SPACA6: variants seen among roughly 807,000 people sequenced by gnomAD.
SPACA6 encodes the protein sperm acrosome membrane-associated protein 6.
For synonymous variants in SPACA6, 6 were observed against 1.5 expected (o/e 4.05, Z -2.21); for missense variants, 8 against 2.8 (o/e 2.88, Z -1.34).
downstream of SPACA6, among the ~76,000 whole-genome samples, chr19:51,708,854 T>C (rs549596223): frequency 2.5e-4 from 37 of 149,744 alleles, no homozygotes; most frequent in African/African-American, 8.1e-4. Flanking sequence ...AGTGAGACTC[T>C]GTCTAAAAAA....
chr19:51,701,899 C>A, intron 3 of SPACA6, 173 bp downstream of exon 3: 1 of 359,930 alleles, frequency 2.8e-6, no homozygotes, highest in Non-Finnish European at 5.0e-6. Flanking sequence ...ATGGTGATAC[C>A]CATATCTACT....
chr19:51,702,211 C>T (rs1170775414), intron 3 of SPACA6, among the ~76,000 whole-genome samples: 1 of 152,040 alleles, frequency 6.6e-6, no homozygotes, highest in East Asian at 1.9e-4. Flanking sequence ...GGTTTCGTCT[C>T]CAACTGAGCC....
At chr19:51,694,378 A>G (rs1193332241) in intron 1 of SPACA6, 100 bp from the exon 2 acceptor site, 1 of 398,444 alleles carries the variant, frequency 2.5e-6, no homozygotes, top group East Asian at 3.6e-5. Context: ...GAGGATACAG[A>G]CTTGGGAGGG....
At chr19:51,701,942 C>G (rs530309137) in intron 3 of SPACA6, among the ~76,000 whole-genome samples, 1 of 152,176 alleles carries the variant, frequency 6.6e-6, no homozygotes. Context: ...CGTGGTAACG[C>G]ATGCTTGTAA....
At position 51,704,362 on chromosome 19, in the gene SPACA6, C is replaced by T; in HGVS notation, c.823C>T (p.Pro275Ser). The T allele has an allele frequency of 2.5e-6, 1 of 401,074 alleles. No individual in the cohort carries two copies. The highest frequency in any genetic ancestry group is 4.4e-6 in the Non-Finnish European group (1 of 226,206). The allele number at this position is 401,074 out of a possible 1,614,324, so 24.8% of individuals were successfully genotyped here. The change falls in exon 8 of 9, where the codon CCC (proline) becomes TCC (serine). Residue 275 changes from proline (P) to serine (S), a missense_variant. Coordinates refer to ENST00000637797, the MANE Select transcript of SPACA6 (RefSeq NM_001316972.2). The stretch of plus-strand genomic sequence containing the variant: ...GCCGCGGGATGCCGAGCTGATCGAG[C>T]CCTGGAGGCCCAGCCTGGGCGAGCT... ...WAPRDAELIE[P>S]WRPSLGELLA...
At position 51,693,998 on chromosome 19, in the gene SPACA6, CAGAG is replaced by C. The variant is rs538682105; in HGVS notation, c.214+265_214+268del. The C allele has an allele frequency of 5.2e-4, 165 of 317,772 alleles. 1 individual carries two copies. Among genetic ancestry groups the C allele is most frequent in the Admixed American group, 4.0e-3 (77 of 19,170 alleles). 19.7% of individuals were successfully genotyped at this position (317,772 alleles called of 1,614,324 possible). ...CTCAGAGAGGGGGAGGATGGAGACT[CAGAG>C]AGAGAGGAAGATGGAGACTCGGAAA... is the stretch of plus-strand genomic sequence containing the variant. On this transcript the variant is annotated intron_variant, in intron 1 of 8. Transcript: ENST00000637797.
At chr19:51,685,427 G>A (rs957985506), upstream of SPACA6, 1 of 152,130 alleles carries the variant, frequency 6.6e-6, no homozygotes, top group African/African-American at 2.4e-5. Context: ...GATATTTGGG[G>A]ATGAGACCCA....
chr19:51,708,441 G>C (rs2083526372), downstream of SPACA6, among the ~76,000 whole-genome samples: 1 of 152,232 alleles, frequency 6.6e-6, no homozygotes, highest in Admixed American at 6.5e-5. Context: ...GTAGCAGTAG[G>C]ATCTGTGGAG....
At chr19:51,704,884 C>CT (rs2083504946) in intron 8 of SPACA6, 1 of 320,156 alleles carries the variant, frequency 3.1e-6, no homozygotes, top group Admixed American at 5.1e-5. Context: ...TCCAGGCCCC[C>CT]AGCCCCTCCT....
At chr19:51,701,311 G>T (rs994996675) in intron 2 of SPACA6, among the ~76,000 whole-genome samples, 1 of 152,242 alleles carries the variant, frequency 6.6e-6, no homozygotes, top group South Asian at 2.1e-4. Flanking sequence ...GACCTAATAG[G>T]CCTTGGTGAG....
chr19:51,694,546 G>A lies in SPACA6; in HGVS notation c.283G>A (p.Ala95Thr). The A allele has an allele frequency of 2.5e-6, 1 of 399,602 alleles. No homozygotes were observed. Among genetic ancestry groups the A allele is most frequent in the Non-Finnish European group, 4.4e-6 (1 of 226,474 alleles). 24.8% of individuals were successfully genotyped at this position (399,602 alleles called of 1,614,324 possible). ...QMTHALQELAAAQGSFEVAFP... is the reference protein window; with the variant it reads ...QMTHALQELATAQGSFEVAFP... ...GACCCATGCCCTGCAGGAGCTGGCT[G>A]CTGCCCAGGGTGAGTGTGTGGGGAT... The change falls in exon 2 of 9, where the codon GCT becomes ACT. Residue 95 changes from alanine to threonine, a missense_variant. Ala to Thr is a moderately conservative substitution (Grantham distance 58, BLOSUM62 0). Coordinates refer to ENST00000637797, the MANE Select transcript of SPACA6 (RefSeq NM_001316972.2).
chr19:51,683,735 T>C, the SPACA6 span, among the ~76,000 whole-genome samples: 1 of 152,244 alleles, frequency 6.6e-6, no homozygotes, highest in Non-Finnish European at 1.5e-5. Context: ...GCACTTTCCA[T>C]ACATTAACTC....
chr19:51,686,874 G>C (rs1334556229), upstream of SPACA6: 3 of 152,186 alleles, frequency 2.0e-5, no homozygotes, highest in Admixed American at 6.5e-5. Context: ...GGTATCTGTT[G>C]TCATTATTAT....
In SPACA6 at chr19:51,704,355, G is replaced by C; in HGVS notation, c.816G>C (p.Leu272=). The C allele has an allele frequency of 5.0e-6, 2 of 401,024 alleles. No homozygotes were observed. Among genetic ancestry groups the C allele is most frequent in the Admixed American group, 8.8e-5 (2 of 22,744 alleles). 24.8% of individuals were successfully genotyped at this position (401,024 alleles called of 1,614,324 possible). A position where few individuals can be genotyped will look rare whatever the true frequency, so the allele number is the denominator to read the frequency against. The stretch of plus-strand genomic sequence containing the variant: ...GCTGGGCGCCGCGGGATGCCGAGCT[G>C]ATCGAGCCCTGGAGGCCCAGCCTGG... The part of the protein sequence containing the change: ...VLRWAPRDAE[L]IEPWRPSLGE... The change falls in exon 8 of 9, where the codon CTG becomes CTC. Residue 272 remains leucine (L), a synonymous_variant. Transcript: ENST00000637797.
At chr19:51,688,789 G>A (rs1189445165), upstream of SPACA6, among the ~76,000 whole-genome samples, 6 of 151,910 alleles carry the variant, frequency 3.9e-5, no homozygotes, top group Admixed American at 3.9e-4. Context: ...ATAGGGAGAG[G>A]GCGAAAGGAA....
At chr19:51,688,884 AGAG>A (rs962054656), upstream of SPACA6, among the ~76,000 whole-genome samples, 3 of 144,048 alleles carry the variant, frequency 2.1e-5, no homozygotes, top group Admixed American at 7.2e-5. Context: ...ACAGGAGCAG[AGAG>A]GAGGAGGGAA....
chr19:51,708,692 T>C (rs2083527752), downstream of SPACA6, among the ~76,000 whole-genome samples: 1 of 152,048 alleles, frequency 6.6e-6, no homozygotes, highest in Non-Finnish European at 1.5e-5. Context: ...CCTGGCATGG[T>C]AGCACATGCC....
In SPACA6 at chr19:51,693,415, T is replaced by G. The variant is rs2083393042; in HGVS notation, c.-112T>G. 3.1e-6 allele frequency: 2 copies of G among 649,194 alleles called. No individual in the cohort carries two copies. 40.2% of individuals were successfully genotyped at this position (649,194 alleles called of 1,614,324 possible). ...CATACCCTTCCTCCAGAGCATGACA[T>G]TTGACCACCAACTGAAACCTGACCT... On this transcript the variant is annotated 5_prime_UTR_variant, in exon 1 of 9. Transcript: ENST00000637797.
chr19:51,691,152 G>A (rs1280071536), upstream of SPACA6, among the ~76,000 whole-genome samples: 2 of 150,584 alleles, frequency 1.3e-5, no homozygotes, highest in East Asian at 4.0e-4. Context: ...CCCACCCCCA[G>A]CTCCAGACCT....
Sources: gnomAD v4.1 joint callset for allele counts (sites outside exome capture counted in the v4.1 genomes callset) on GRCh38, gnomAD v4.1.1 for gene constraint, MANE v1.5 for transcripts, NCBI Gene and HGNC (gene_info 2026-07-23, HGNC 2026-07-21) for gene names.